The following DUS2 variants were observed in gnomAD, a reference collection of about 807,000 sequenced individuals.
DUS2 encodes dihydrouridine synthase 2.
Under a neutral mutation model 71.3 loss-of-function variants are expected in DUS2, and 52 were observed. The observed-to-expected ratio is 0.73, with a 90% CI of 0.58 to 0.92. DUS2 has a LOEUF of 0.92. Ranked by LOEUF, DUS2 falls within the 40% of genes least tolerant of loss-of-function variation. DUS2 has a pLI of 0.00. For missense variants in DUS2, 558 were observed against 622.6 expected, an observed-to-expected ratio of 0.90 and a Z score of 1.10; for synonymous variants, 204 against 227.8, an observed-to-expected ratio of 0.90 and a Z score of 0.94.
chr16:68,056,294 C>A, intron 6 of DUS2, 70 bp from the exon 7 acceptor site: 1 of 1,361,900 alleles, frequency 7.3e-7, no homozygotes, highest in Non-Finnish European at 1.0e-6. Flanking sequence ...CAGGCCCATC[C>A]ATGCCTTTAA....
intron 14 of DUS2, among the ~76,000 whole-genome samples, chr16:68,075,719 C>T (rs1192480024): frequency 6.6e-6 from 1 of 152,108 alleles, no homozygotes; most frequent in African/African-American, 2.4e-5. Flanking sequence ...CTGAACTCTA[C>T]TTTTTCCCTG....
intron 10 of DUS2, among the ~76,000 whole-genome samples, chr16:68,067,066 T>A (rs867624963): frequency 1.5e-5 from 1 of 68,202 alleles, no homozygotes; most frequent in South Asian, 7.3e-4. Context: ...CTCCCTCCCT[T>A]CCTTCCTTCC....
chr16:68,068,584 CTTTTTTTTTTT>C (rs59827856), intron 10 of DUS2, among the ~76,000 whole-genome samples: 2 of 67,268 alleles, frequency 3.0e-5, no homozygotes, highest in Non-Finnish European at 5.6e-5. Context: ...CTTTCTCTCT[CTTTTTTTTTTT>C]TTTTTTTTTT....
At chr16:68,076,882 G>A (rs2034165835) in intron 15 of DUS2, among the ~76,000 whole-genome samples, 163 bp downstream of exon 15, 1 of 151,804 alleles carries the variant, frequency 6.6e-6, no homozygotes, top group Non-Finnish European at 1.5e-5. Context: ...CTCTTACAGT[G>A]GCCTGTTGTC....
chr16:68,023,587 T>G lies in DUS2; in HGVS notation c.-99+236T>G, dbSNP rs1221228441. On this transcript the variant is annotated intron_variant, in intron 1 of 16. Coordinates refer to ENST00000565263, the MANE Select transcript of DUS2 (RefSeq NM_017803.5). ...CCGTGCTGGTATCCGAGGTTGCAGC[T>G]GTTTTCCCAGATGTGTTCCCTGCGC... 5 of 226,252 alleles carry G rather than the reference T, an allele frequency of 2.2e-5. No homozygotes were observed. In the South Asian group the frequency reaches 4.2e-4, roughly 19 times the overall value. 14.0% of individuals were successfully genotyped at this position (226,252 alleles called of 1,614,324 possible).
chr16:68,070,162 G>T lies in DUS2; in HGVS notation c.583G>T (p.Val195Phe). 2.5e-6 allele frequency: 4 copies of T among 1,614,128 alleles called. No individual in the cohort carries two copies. The highest frequency in any genetic ancestry group is 3.4e-6 in the Non-Finnish European group (4 of 1,180,010). ...RKREERPQHP[V>F]SCEVIKAIAD... Reference sequence around the variant, plus strand: ...GCGGGAGGAGCGACCTCAGCATCCTGTCAGCTGTGAAGTCATCAAAGCCAT... The same window carrying T: ...GCGGGAGGAGCGACCTCAGCATCCTTTCAGCTGTGAAGTCATCAAAGCCAT... Residue 195 changes from valine to phenylalanine, a missense_variant, in exon 11 of 17, where the codon GTC becomes TTC. Physicochemically the swap from Val to Phe is conservative, Grantham distance 50. Coordinates refer to ENST00000565263, the MANE Select transcript of DUS2 (RefSeq NM_017803.5).
intron 14 of DUS2, among the ~76,000 whole-genome samples, chr16:68,076,182 G>A (rs1322352190): frequency 1.3e-5 from 2 of 152,124 alleles, no homozygotes; most frequent in Non-Finnish European, 2.9e-5. Context: ...GATTCCAAGT[G>A]TCCATGGCTG....
intron 7 of DUS2, among the ~76,000 whole-genome samples, chr16:68,057,453 C>T (rs2033876939): frequency 6.6e-6 from 1 of 151,078 alleles, no homozygotes. Context: ...AGAGAGGAGG[C>T]CGGGAGTGGT....
At chr16:68,052,843 A>T (rs1004569071) in intron 4 of DUS2, among the ~76,000 whole-genome samples, 6 of 151,932 alleles carry the variant, frequency 3.9e-5, no homozygotes, top group Admixed American at 6.6e-5. Context: ...CGGTTTTGCC[A>T]TGTTGTGTAG....
At chr16:68,028,340 T>TTAA (rs2033386018) in intron 2 of DUS2, among the ~76,000 whole-genome samples, 1 of 151,998 alleles carries the variant, frequency 6.6e-6, no homozygotes, top group Non-Finnish European at 1.5e-5. Flanking sequence ...AACAACATAA[T>TTAA]AATAGACGTT....
chr16:68,071,117 C>T lies in DUS2; in HGVS notation c.810+9C>T. 6.2e-7 allele frequency: 1 copy of T among 1,613,210 alleles called. No homozygotes were observed. Among genetic ancestry groups the T allele is most frequent in the Non-Finnish European group, 8.5e-7 (1 of 1,179,168 alleles). On this transcript the variant is annotated intron_variant, in intron 12 of 16. Coordinates refer to ENST00000565263, the MANE Select transcript of DUS2 (RefSeq NM_017803.5). ...AGAAATACATCAGATACGTACGTCT[C>T]TGTACTTTTTCAAAACAAGCATTTC...
chr16:68,046,696 TATA>T (rs1256372665), intron 3 of DUS2, among the ~76,000 whole-genome samples: 1 of 152,216 alleles, frequency 6.6e-6, no homozygotes, highest in Non-Finnish European at 1.5e-5. Context: ...ATTATTTCCT[TATA>T]ATACTTTTTA....
intron 3 of DUS2, among the ~76,000 whole-genome samples, chr16:68,045,486 C>T (rs772096759): frequency 1.8e-4 from 27 of 151,712 alleles, no homozygotes; most frequent in Middle Eastern, 3.4e-3. Flanking sequence ...TGGTGGACGC[C>T]TGTAATCCCA....
intron 3 of DUS2, among the ~76,000 whole-genome samples, chr16:68,047,633 A>G (rs180997842): frequency 4.6e-5 from 7 of 150,716 alleles, no homozygotes; most frequent in African/African-American, 1.7e-4. Context: ...GCAGGCATGT[A>G]CCACCATGGC....
chr16:68,030,918 A>T (rs1248231796), intron 2 of DUS2, among the ~76,000 whole-genome samples: 1 of 151,836 alleles, frequency 6.6e-6, no homozygotes, highest in Non-Finnish European at 1.5e-5. Context: ...ATATATATAT[A>T]TTTTTGGTAG....
At chr16:68,030,740 CT>C (rs1222387052) in intron 2 of DUS2, among the ~76,000 whole-genome samples, 1 of 151,524 alleles carries the variant, frequency 6.6e-6, no homozygotes, top group African/African-American at 2.4e-5. Flanking sequence ...TTTTCTTTTT[CT>C]TTTTTTTGGA....
chr16:68,068,321 G>T (rs1186887188), intron 10 of DUS2, among the ~76,000 whole-genome samples: 6 of 152,198 alleles, frequency 3.9e-5, no homozygotes, highest in Non-Finnish European at 7.3e-5. Flanking sequence ...TTGGGTTGAA[G>T]CCAGGAGGGA....
chr16:68,066,401 A>G lies in DUS2; in HGVS notation c.483+19A>G, dbSNP rs2034005746. 6.2e-7 allele frequency: 1 copy of G among 1,612,294 alleles called. No homozygotes were observed. Among genetic ancestry groups the G allele is most frequent in the Non-Finnish European group, 8.5e-7 (1 of 1,178,426 alleles). On this transcript the variant is annotated intron_variant, in intron 9 of 16. Transcript: ENST00000565263. Reference sequence around the variant, plus strand: ...GCCATCGGTAAGGATGGTGTGTTACATATGAAGGTCCATTCTCTCTGGTGA... The same window carrying G: ...GCCATCGGTAAGGATGGTGTGTTACGTATGAAGGTCCATTCTCTCTGGTGA...
chr16:68,043,235 C>T (rs570993022), intron 3 of DUS2, among the ~76,000 whole-genome samples: 2 of 152,084 alleles, frequency 1.3e-5, no homozygotes, highest in Non-Finnish European at 2.9e-5. Context: ...GGTGAAACCC[C>T]GTCTCTACAA....
Sources: gnomAD v4.1 joint callset for allele counts (sites outside exome capture counted in the v4.1 genomes callset) on GRCh38, gnomAD v4.1.1 for gene constraint, MANE v1.5 for transcripts, NCBI Gene and HGNC (gene_info 2026-07-23, HGNC 2026-07-21) for gene names.